ASRGL1: variants seen among roughly 807,000 people sequenced by gnomAD.
ASRGL1 encodes the protein asparaginase and isoaspartyl peptidase 1.
Under a neutral mutation model 22.4 loss-of-function variants are expected in ASRGL1, and 16 were observed. That is an observed-to-expected ratio of 0.71 (90% CI 0.48 to 1.08). The LOEUF (loss-of-function observed/expected upper bound fraction) is 1.08. Among genes scored for constraint, ASRGL1 ranks in the 50% least tolerant of loss-of-function variants. The pLI is 0.00. For missense variants in ASRGL1, 412 were observed against 410.1 expected (o/e 1.00, Z -0.04); for synonymous variants, 165 against 159.3 (o/e 1.04, Z -0.27).
intron 2 of ASRGL1, among the ~76,000 whole-genome samples, chr11:62,349,633 G>A (rs1301788746): frequency 6.6e-6 from 1 of 152,118 alleles, no homozygotes; most frequent in South Asian, 2.1e-4. Flanking sequence ...TGTAAATGGA[G>A]TTGTTACCAG....
At chr11:62,369,104 G>A (rs1946694104) in intron 4 of ASRGL1, among the ~76,000 whole-genome samples, 1 of 152,150 alleles carries the variant, frequency 6.6e-6, no homozygotes, top group Non-Finnish European at 1.5e-5. Flanking sequence ...CTATCACATG[G>A]GGAGAAACCC....
At chr11:62,384,168 C>T (rs1947147991) in intron 4 of ASRGL1, among the ~76,000 whole-genome samples, 1 of 151,824 alleles carries the variant, frequency 6.6e-6, no homozygotes, top group South Asian at 2.1e-4. Context: ...AAGATCACAC[C>T]CCTGCACTCC....
chr11:62,368,749 G>A (rs901908441), intron 4 of ASRGL1, among the ~76,000 whole-genome samples: 29 of 151,098 alleles, frequency 1.9e-4, no homozygotes, highest in African/African-American at 6.0e-4. Context: ...GCAGGAAAAC[G>A]TGAGCAAAGG....
chr11:62,357,100 A>G lies in ASRGL1; in HGVS notation c.447A>G (p.Glu149=), dbSNP rs1946318323. 1 of 1,614,030 alleles carries G rather than the reference A, an allele frequency of 6.2e-7. No individual in the cohort carries two copies. Among genetic ancestry groups the G allele is most frequent in the Non-Finnish European group, 8.5e-7 (1 of 1,180,026 alleles). Residue 149 remains glutamate, a synonymous_variant, in exon 4 of 7, where the codon GAA becomes GAG. Coordinates refer to ENST00000415229, the MANE Select transcript of ASRGL1 (RefSeq NM_001083926.2). ...CAGAGAGAAACAAAAAGCGCCTGGA[A>G]AAAGAGAAGCATGAAAAAGGTGCTC... ...LVTERNKKRL[E]KEKHEKGAQK... is the part of the protein sequence containing the mutation.
chr11:62,344,466 A>T (rs1295191492), intron 2 of ASRGL1, among the ~76,000 whole-genome samples: 1 of 152,028 alleles, frequency 6.6e-6, no homozygotes, highest in Non-Finnish European at 1.5e-5. Context: ...TTTGTGTTGT[A>T]TCTTAATATT....
At chr11:62,391,701 G>A (rs1947342720) in intron 6 of ASRGL1, 69 bp downstream of exon 6, 1 of 1,496,980 alleles carries the variant, frequency 6.7e-7, no homozygotes, top group East Asian at 2.5e-5. Context: ...TGATAAGTAA[G>A]CGCATGGAGA....
In ASRGL1 at chr11:62,364,450, T is replaced by C. The variant is rs531239730; in HGVS notation, c.491+7306T>C. 2.2e-4 allele frequency among the ~76,000 whole-genome samples: 34 copies of C among 152,028 alleles called. No homozygotes were observed. The South Asian group carries it at 6.0e-3, about 27-fold the overall frequency. ...AATAGTATGGAGGTTCCTAAAGAAA[T>C]TAAAAATAGAACTACCTTATAACCC... is the stretch of plus-strand genomic sequence containing the variant. On this transcript the variant is annotated intron_variant, in intron 4 of 6. Transcript: ENST00000415229.
At chr11:62,372,707 G>T in intron 4 of ASRGL1, 1 of 1,355,768 alleles carries the variant, frequency 7.4e-7, no homozygotes, top group Non-Finnish European at 1.1e-6. Context: ...ACACAGAGCA[G>T]AAGGATGAGA....
intron 4 of ASRGL1, among the ~76,000 whole-genome samples, chr11:62,386,485 T>TAATACATATAATAG (rs1947213552): frequency 1.4e-5 from 2 of 141,962 alleles, no homozygotes; most frequent in Non-Finnish European, 3.1e-5. Flanking sequence ...TATGTACATA[T>TAATACATATAATAG]ATATGTACAT....
At chr11:62,369,298 A>G (rs1313443282) in intron 4 of ASRGL1, among the ~76,000 whole-genome samples, 2 of 152,160 alleles carry the variant, frequency 1.3e-5, no homozygotes, top group African/African-American at 2.4e-5. Context: ...TCAACACAGC[A>G]CATGTCTCTG....
At chr11:62,372,586 TACC>T in intron 4 of ASRGL1, 1 of 886,082 alleles carries the variant, frequency 1.1e-6, no homozygotes, top group Non-Finnish European at 1.9e-6. Context: ...ATTCTGCCTG[TACC>T]AAATATGGTT....
chr11:62,337,844 T>G (rs1945760177), intron 1 of ASRGL1, 46 bp from the exon 2 acceptor site: 1 of 993,560 alleles, frequency 1.0e-6, no homozygotes, highest in Non-Finnish European at 1.4e-6. Context: ...CACCCCCAGC[T>G]GCGAACCCAG....
chr11:62,366,035 A>G (rs1274668191), intron 4 of ASRGL1, among the ~76,000 whole-genome samples: 2 of 147,760 alleles, frequency 1.4e-5, no homozygotes, highest in Non-Finnish European at 3.0e-5. Context: ...CAAGACAGGC[A>G]GACTGCCCGA....
Position 62,372,054 on chromosome 11 carries a change from T to C in ASRGL1, c.491+14910T>C. The C allele has an allele frequency of 9.5e-6, 7 of 739,766 alleles. No individual in the cohort carries two copies. In the South Asian group the frequency reaches 1.0e-4, roughly 11 times the overall value. The allele number at this position is 739,766 out of a possible 1,614,324, so 45.8% of individuals were successfully genotyped here. On this transcript the variant is annotated intron_variant, in intron 4 of 6. Transcript: ENST00000415229. ...CATAGGTATGGGTGCCTGGCGGGGG[T>C]CCGGGTGCGGACAGTGGTCTCTGGC... is the stretch of plus-strand genomic sequence containing the variant.
downstream of ASRGL1, chr11:62,393,558 C>T (rs1034870054): frequency 1.3e-5 from 2 of 152,040 alleles, no homozygotes; most frequent in Admixed American, 1.3e-4. Flanking sequence ...GTGAGTTTTT[C>T]AGAAGAACTG....
rs564147404 is a variant in ASRGL1, at chr11:62,359,970, T to G, written c.491+2826T>G. Among the ~76,000 whole-genome samples the G allele has an allele frequency of 2.6e-5, 4 of 151,984 alleles. No individual in the cohort carries two copies. The South Asian group carries it at 6.2e-4, about 24-fold the overall frequency. ...TATTTTACAATTACTTTTGTAACTT[T>G]TTGGAAATTATATCTGCAAATTACT... On this transcript the variant is annotated intron_variant, in intron 4 of 6. Transcript: ENST00000415229.
At chr11:62,388,751 T>C (rs1947271423) in intron 4 of ASRGL1, among the ~76,000 whole-genome samples, 1 of 151,558 alleles carries the variant, frequency 6.6e-6, no homozygotes, top group African/African-American at 2.4e-5. Context: ...TTTCTCCTCT[T>C]GGTGGCAGCT....
At chr11:62,360,612 A>G (rs1033527450) in intron 4 of ASRGL1, among the ~76,000 whole-genome samples, 1 of 152,206 alleles carries the variant, frequency 6.6e-6, no homozygotes, top group Non-Finnish European at 1.5e-5. Context: ...TGACCCACAT[A>G]AAATTCACAA....
At chr11:62,357,353 G>T (rs554831287) in intron 4 of ASRGL1, among the ~76,000 whole-genome samples, 12 of 151,530 alleles carry the variant, frequency 7.9e-5, no homozygotes, top group African/African-American at 2.9e-4. Context: ...AGGCTCAAGC[G>T]GTTCTCCTGC....
Sources: allele counts gnomAD v4.1 joint callset (sites outside exome capture counted in the v4.1 genomes callset), GRCh38; gene constraint gnomAD v4.1.1; transcripts MANE v1.5; gene names NCBI Gene and HGNC (gene_info 2026-07-23, HGNC 2026-07-21).